Variants in EXOC1 observed in about 807,000 individuals in gnomAD.
EXOC1 encodes SEC3-like 1.
Under a neutral mutation model 107.7 loss-of-function variants are expected in EXOC1, and 67 were observed. The ratio of observed to expected loss-of-function variants is 0.62; its 90% CI spans 0.51 to 0.76. EXOC1 has a LOEUF of 0.76. EXOC1 is among the 30% of genes least tolerant of loss of function. The pLI is 0.00. For synonymous variants in EXOC1, 348 were observed against 353.5 expected (o/e 0.98, Z 0.17); for missense variants, 833 against 1,055.7 (o/e 0.79, Z 2.92).
At chr4:55,902,773 TTTGG>T (rs6148450) in intron 18 of EXOC1, among the ~76,000 whole-genome samples, 3,691 of 149,982 alleles carry the variant, frequency 0.025, 139 homozygotes, top group African/African-American at 0.08. Context: ...TTTGTTTTTC[TTTGG>T]TTGGTTGGTT....
intron 10 of EXOC1, among the ~76,000 whole-genome samples, chr4:55,887,486 C>T (rs571857553): frequency 1.3e-5 from 2 of 152,064 alleles, no homozygotes; most frequent in Non-Finnish European, 2.9e-5. Flanking sequence ...AGATATTTAA[C>T]ATTTTACCTG....
chr4:55,889,022 A>C, intron 11 of EXOC1, 90 bp downstream of exon 11: 2 of 1,355,412 alleles, frequency 1.5e-6, no homozygotes, highest in Non-Finnish European at 2.1e-6. Flanking sequence ...GTAACACCAA[A>C]AATTTTGATT....
intron 12 of EXOC1, among the ~76,000 whole-genome samples, chr4:55,890,591 C>T (rs575426764): frequency 6.7e-6 from 1 of 150,250 alleles, no homozygotes; most frequent in African/African-American, 2.4e-5. Context: ...AATGAAATGG[C>T]ATAAAAGCTT....
chr4:55,882,540 T>C lies in EXOC1; in HGVS notation c.1225-1283T>C, dbSNP rs548516545. Among the ~76,000 whole-genome samples, 5 of 152,346 alleles carry C rather than the reference T, an allele frequency of 3.3e-5. No individual in the cohort carries two copies. The South Asian group carries it at 1.0e-3, about 32-fold the overall frequency. On this transcript the variant is annotated intron_variant, in intron 9 of 18. Transcript: ENST00000381295. ...TGCTTTTAAAGTTATACAAAGATCA[T>C]GGGAAATAATTGCCCATTTGACTAA...
intron 5 of EXOC1, among the ~76,000 whole-genome samples, chr4:55,870,472 G>A (rs554014541): frequency 6.6e-4 from 100 of 152,310 alleles, no homozygotes; most frequent in Non-Finnish European, 1.3e-3. Flanking sequence ...AGAGGCAAGT[G>A]TACCTGCATG....
intron 1 of EXOC1, among the ~76,000 whole-genome samples, chr4:55,855,601 T>C (rs1214855113): frequency 6.6e-6 from 1 of 152,050 alleles, no homozygotes; most frequent in East Asian, 1.9e-4. Flanking sequence ...ATTTATGAAG[T>C]AGAGGGGAAG....
At chr4:55,872,870 G>T in intron 8 of EXOC1, 1 of 677,254 alleles carries the variant, frequency 1.5e-6, no homozygotes, top group African/African-American at 2.0e-5. Flanking sequence ...TATAAAGTTT[G>T]CTAAACTTAA....
chr4:55,864,189 T>A, intron 3 of EXOC1, 38 bp from the exon 4 acceptor site: 1 of 1,311,758 alleles, frequency 7.6e-7, no homozygotes, highest in Non-Finnish European at 1.0e-6. Flanking sequence ...TAAAAGGATG[T>A]GATCAAAAAT....
intron 10 of EXOC1, among the ~76,000 whole-genome samples, chr4:55,886,940 C>T (rs1025190660): frequency 7.9e-5 from 12 of 152,132 alleles, no homozygotes; most frequent in African/African-American, 2.7e-4. Context: ...ATTATGCTAA[C>T]GTACCAGGGA....
intron 9 of EXOC1, among the ~76,000 whole-genome samples, chr4:55,882,384 A>T (rs935988564): frequency 1.1e-4 from 16 of 152,172 alleles, no homozygotes; most frequent in Admixed American, 3.3e-4. Context: ...AGACACTGAT[A>T]CAGTAAAACC....
chr4:55,901,066 T>C (rs1725841786), intron 17 of EXOC1, among the ~76,000 whole-genome samples: 1 of 152,314 alleles, frequency 6.6e-6, no homozygotes, highest in South Asian at 2.1e-4. Flanking sequence ...GTTAGAGACA[T>C]TCCCTCTGAA....
chr4:55,892,769 G>A, intron 14 of EXOC1, 58 bp downstream of exon 14: 2 of 1,543,696 alleles, frequency 1.3e-6, no homozygotes, highest in South Asian at 1.1e-5. Flanking sequence ...AAAATGTGGA[G>A]TGCTGCTCAT....
intron 4 of EXOC1, among the ~76,000 whole-genome samples, chr4:55,867,473 A>T (rs1219352494): frequency 6.6e-6 from 1 of 152,122 alleles, no homozygotes; most frequent in Non-Finnish European, 1.5e-5. Flanking sequence ...AGAGTGATAA[A>T]ACAACATCTT....
rs1722473177 is a variant in EXOC1 at position 55,871,853 on chromosome 4, T to C, written c.969T>C (p.His323=). The C allele has an allele frequency of 6.2e-7, 1 of 1,613,628 alleles. No homozygotes were observed. Among genetic ancestry groups the C allele is most frequent in the African/African-American group, 1.3e-5 (1 of 74,882 alleles). The change falls in exon 8 of 19, where the codon CAT becomes CAC. Residue 323 remains histidine, a synonymous_variant. Coordinates refer to ENST00000381295, the MANE Select transcript of EXOC1 (RefSeq NM_001024924.2). ...CAAAATGTCGTTCTGTGTCAGGCCA[T>C]GACTTGCTTCTGGCAGTCAAACAGC... The part of the protein sequence containing the change: ...QCMNVALRPG[H]DLLLAVKQQQ...
At chr4:55,871,649 C>A (rs1160275485) in intron 7 of EXOC1, among the ~76,000 whole-genome samples, 200 bp from the exon 8 acceptor site, 1 of 152,162 alleles carries the variant, frequency 6.6e-6, no homozygotes, top group Non-Finnish European at 1.5e-5. Flanking sequence ...TAACAGTTCC[C>A]AGGCGATGGT....
intron 8 of EXOC1, 84 bp downstream of exon 8, chr4:55,872,042 T>A: frequency 8.2e-7 from 1 of 1,215,770 alleles, no homozygotes; most frequent in South Asian, 1.5e-5. Context: ...AATGTTAATA[T>A]GTTTAATTGG....
At chr4:55,874,221 A>G (rs376893523) in intron 8 of EXOC1, among the ~76,000 whole-genome samples, 33 of 152,296 alleles carry the variant, frequency 2.2e-4, no homozygotes, top group Admixed American at 3.3e-4. Context: ...TGAAGAATCC[A>G]GTGAAAATAA....
intron 9 of EXOC1, among the ~76,000 whole-genome samples, chr4:55,878,349 A>G (rs1350454682): frequency 3.9e-5 from 6 of 152,224 alleles, no homozygotes; most frequent in Admixed American, 2.0e-4. Context: ...TATGTACAGT[A>G]TAGAAACAAG....
intron 4 of EXOC1, 112 bp from the exon 5 acceptor site, chr4:55,868,222 CTT>C (rs1460975107): frequency 2.8e-6 from 2 of 710,236 alleles, no homozygotes; most frequent in Admixed American, 7.9e-5. Flanking sequence ...ATTCTATCCT[CTT>C]TTTCAGCTGC....
Sources: allele counts gnomAD v4.1 joint callset (sites outside exome capture counted in the v4.1 genomes callset), GRCh38; gene constraint gnomAD v4.1.1; transcripts MANE v1.5; gene names NCBI Gene and HGNC (gene_info 2026-07-23, HGNC 2026-07-21).